The following DRC9 variants were observed in gnomAD, a reference collection of about 807,000 sequenced individuals.
The protein encoded by DRC9 is dynein regulatory complex protein 9.
At chr3:197,897,896 G>A in the DRC9 span, among the ~76,000 whole-genome samples, 9 of 148,900 alleles carry the variant, frequency 6.0e-5, no homozygotes, top group East Asian at 3.9e-4. Context: ...TCAGCCTCCC[G>A]AGTAGCTGGG....
At chr3:197,923,950 C>T in the DRC9 span, among the ~76,000 whole-genome samples, 9 of 152,046 alleles carry the variant, frequency 5.9e-5, no homozygotes, top group African/African-American at 1.2e-4. Context: ...CCTGTAGTCC[C>T]AGCTACTCAG....
At chr3:197,905,279 C>A in the DRC9 span, among the ~76,000 whole-genome samples, 1 of 152,086 alleles carries the variant, frequency 6.6e-6, no homozygotes, top group Admixed American at 6.6e-5. Context: ...GTGATGGAGA[C>A]CCCAATTCCC....
the DRC9 span, chr3:197,889,724 A>C: frequency 6.2e-7 from 1 of 1,614,090 alleles, no homozygotes; most frequent in Non-Finnish European, 8.5e-7. Flanking sequence ...GCTGGAAGAG[A>C]AAAGGGGAGT....
At chr3:197,947,740 A>G in the DRC9 span, among the ~76,000 whole-genome samples, 1 of 152,086 alleles carries the variant, frequency 6.6e-6, no homozygotes, top group South Asian at 2.1e-4. Context: ...TAGAGAAGTG[A>G]GATCAGACAT....
At chr3:197,933,031 A>T in the DRC9 span, among the ~76,000 whole-genome samples, 1 of 141,162 alleles carries the variant, frequency 7.1e-6, no homozygotes, top group Admixed American at 7.6e-5. Flanking sequence ...ATAAAATATT[A>T]TATATTATAC....
the DRC9 span, among the ~76,000 whole-genome samples, chr3:197,941,106 A>G: frequency 1.3e-5 from 2 of 151,906 alleles, 1 homozygote; most frequent in Admixed American, 1.3e-4. Flanking sequence ...TATTAACTGA[A>G]TGCCTTCCCA....
At chr3:197,911,069 T>C in the DRC9 span, among the ~76,000 whole-genome samples, 2 of 151,836 alleles carry the variant, frequency 1.3e-5, no homozygotes, top group African/African-American at 2.4e-5. Context: ...AGCTTGGTTA[T>C]TAGTATTGAA....
the DRC9 span, chr3:197,953,780 T>C: frequency 1.7e-6 from 1 of 603,640 alleles, no homozygotes. Flanking sequence ...TTGGTTATCA[T>C]GTGAAAGATT....
the DRC9 span, chr3:197,892,717 T>C: frequency 5.1e-5 from 83 of 1,614,168 alleles, no homozygotes; most frequent in Non-Finnish European, 6.7e-5. Context: ...TCTGTGTCCT[T>C]ATCGTATTTC....
chr3:197,912,635 A>G, the DRC9 span: 8 of 1,276,892 alleles, frequency 6.3e-6, no homozygotes. Flanking sequence ...AGCAGAGTAC[A>G]AAAAAAAAGT....
chr3:197,929,035 G>T, the DRC9 span, among the ~76,000 whole-genome samples: 1 of 152,222 alleles, frequency 6.6e-6, no homozygotes, highest in Admixed American at 6.5e-5. This position sits in a 1 kb window ranked among gnomAD's most constrained non-coding sequence, Gnocchi z 4.6. Context: ...GAGATCATGG[G>T]TGTTTGGTTA....
chr3:197,951,401 T>G, the DRC9 span: 1 of 1,371,182 alleles, frequency 7.3e-7, no homozygotes, highest in Non-Finnish European at 1.0e-6. Flanking sequence ...TTGCCGAGGC[T>G]GGAATGCAGT....
the DRC9 span, chr3:197,912,582 G>C: frequency 1.1e-6 from 1 of 882,844 alleles, no homozygotes; most frequent in East Asian, 2.4e-5. Flanking sequence ...AAAGAATGAT[G>C]GTTGGTTTTC....
chr3:197,950,096 A>C, the DRC9 span: 3 of 1,227,076 alleles, frequency 2.4e-6, no homozygotes, highest in Non-Finnish European at 3.0e-6. Flanking sequence ...CCGATTTCCG[A>C]GGATTGTTTT....
the DRC9 span, chr3:197,894,385 C>T: frequency 9.2e-5 from 14 of 151,774 alleles, no homozygotes; most frequent in Admixed American, 5.2e-4. Context: ...GGATGAAGAG[C>T]GAGAGAAGAG....
the DRC9 span, among the ~76,000 whole-genome samples, chr3:197,931,826 C>T: frequency 6.6e-6 from 1 of 151,754 alleles, no homozygotes; most frequent in Non-Finnish European, 1.5e-5. Context: ...GGGGTTTCAC[C>T]GTGTTAGCCA....
chr3:197,901,564 T>C, the DRC9 span, among the ~76,000 whole-genome samples: 1 of 152,230 alleles, frequency 6.6e-6, no homozygotes. This position sits in a 1 kb window ranked among gnomAD's most constrained non-coding sequence, Gnocchi z 4.4. Flanking sequence ...CCTTGGGCCT[T>C]AGCTGAACAT....
the DRC9 span, among the ~76,000 whole-genome samples, chr3:197,937,210 C>T: frequency 0.038 from 5,776 of 152,264 alleles, 141 homozygotes; most frequent in South Asian, 0.074. Context: ...TAATGTTACA[C>T]CCTCTTAACA....
At chr3:197,893,822 T>TGGGG in the DRC9 span, among the ~76,000 whole-genome samples, 1 of 151,804 alleles carries the variant, frequency 6.6e-6, no homozygotes, top group Non-Finnish European at 1.5e-5. Context: ...CACTCTAGCC[T>TGGGG]GGGTGACAGA....
Sources: allele counts gnomAD v4.1 joint callset (sites outside exome capture counted in the v4.1 genomes callset), GRCh38; gene constraint gnomAD v4.1.1; non-coding constraint Gnocchi (gnomAD v3.1); transcripts MANE v1.5; gene names NCBI Gene and HGNC (gene_info 2026-07-23, HGNC 2026-07-21).